LEPR: variants seen among roughly 807,000 people sequenced by gnomAD.
LEPR encodes the protein OB receptor.
A neutral mutation model predicts 114.7 loss-of-function variants in LEPR; 56 were observed. The ratio of observed to expected loss-of-function variants is 0.49; its 90% CI spans 0.39 to 0.61. LEPR has a LOEUF of 0.61. LEPR is among the 20% of genes least tolerant of loss of function. The probability of loss-of-function intolerance (pLI) is 0.00; values close to 1 mark genes in which losing one functional copy is unlikely to be tolerated. For missense variants in LEPR, 1,202 were observed against 1,352.9 expected, an observed-to-expected ratio of 0.89 and a Z score of 1.75; for synonymous variants, 443 against 461.4, an observed-to-expected ratio of 0.96 and a Z score of 0.51.
In LEPR at chr1:65,432,908, A is replaced by T. The variant is rs375924115; in HGVS notation, c.-21+7530A>T. The T allele has an allele frequency of 6.5e-6, 6 of 919,070 alleles. No individual in the cohort carries two copies. In the East Asian group the frequency reaches 4.7e-4, roughly 72 times the overall value. The allele number at this position is 919,070 out of a possible 1,614,324, so 56.9% of individuals were successfully genotyped here. On this transcript the variant is annotated intron_variant, in intron 2 of 19. Coordinates refer to ENST00000349533, the MANE Select transcript of LEPR (RefSeq NM_002303.6). Reference sequence around the variant, plus strand: ...AAATCATAAAACCGTATTGTACCCTATAAAAATATACAATAATTTGTCAAT... The same window carrying T: ...AAATCATAAAACCGTATTGTACCCTTTAAAAATATACAATAATTTGTCAAT...
intron 2 of LEPR, among the ~76,000 whole-genome samples, chr1:65,500,412 A>G (rs1003274613): frequency 2.0e-5 from 3 of 152,146 alleles, no homozygotes; most frequent in African/African-American, 7.2e-5. Context: ...ACCCTTAAAC[A>G]ACATGAGTTT....
Position 65,592,648 on chromosome 1 carries a change from T to C in LEPR, c.495-9T>C. On this transcript the variant is annotated splice_polypyrimidine_tract_variant and intron_variant, in intron 5 of 19. Transcript: ENST00000349533. Reference sequence around the variant, plus strand: ...TGTTTTAATATTTAGCTCTTATTTTTCAATATAGGCCTGAAGTGTTAGAAG... The same window carrying C: ...TGTTTTAATATTTAGCTCTTATTTTCCAATATAGGCCTGAAGTGTTAGAAG... 6.2e-7 allele frequency: 1 copy of C among 1,612,720 alleles called. No individual in the cohort carries two copies. Among genetic ancestry groups the C allele is most frequent in the Middle Eastern group, 1.7e-4 (1 of 6,042 alleles).
Position 65,592,716 on chromosome 1 carries a change from A to G in LEPR, c.554A>G (p.His185Arg), listed in dbSNP as rs776660586. 2 of 1,613,342 alleles carry G rather than the reference A, an allele frequency of 1.2e-6. No homozygotes were observed. Among genetic ancestry groups the G allele is most frequent in the Non-Finnish European group, 1.7e-6 (2 of 1,179,488 alleles). Residue 185 changes from histidine (H) to arginine (R), a missense_variant, in exon 6 of 20, where the codon CAC (histidine) becomes CGC (arginine). Physicochemically the swap from His to Arg is conservative, Grantham distance 29. Coordinates refer to ENST00000349533, the MANE Select transcript of LEPR (RefSeq NM_002303.6). ...VPQKGSFQMV[H>R]CNCSVHECCE... ...CAAAAAGGCAGTTTTCAGATGGTTC[A>G]CTGCAATTGCAGTGTTCATGAATGT...
At chr1:65,555,852 G>T (rs1024310644) in intron 2 of LEPR, among the ~76,000 whole-genome samples, 9 of 152,132 alleles carry the variant, frequency 5.9e-5, no homozygotes, top group African/African-American at 2.2e-4. Context: ...TGGTGATTGG[G>T]ATAGAGGGTA....
chr1:65,619,865 G>A (rs1184971953), intron 16 of LEPR, 63 bp from the exon 17 acceptor site: 4 of 1,223,992 alleles, frequency 3.3e-6, no homozygotes, highest in African/African-American at 1.5e-5. Context: ...TTTTTAAAAT[G>A]TATGTTCCAC....
intron 19 of LEPR, among the ~76,000 whole-genome samples, chr1:65,630,683 C>T (rs567042804): frequency 1.5e-4 from 22 of 149,164 alleles, no homozygotes; most frequent in African/African-American, 5.0e-4. Flanking sequence ...CTCATATTTT[C>T]GGTTTCTTTG....
chr1:65,434,400 A>G (rs980318507), intron 2 of LEPR: 2 of 985,384 alleles, frequency 2.0e-6, no homozygotes, highest in Non-Finnish European at 2.4e-6. Context: ...GCACTTCCAA[A>G]ATTGGCCACA....
At position 65,633,306 on chromosome 1, in the gene LEPR, A is replaced by G. The variant is rs932399767; in HGVS notation, c.2674-2885A>G. 20 of 1,473,354 alleles carry G rather than the reference A, an allele frequency of 1.4e-5. No individual in the cohort carries two copies. Among genetic ancestry groups the G allele is most frequent in the South Asian group, 1.4e-5 (1 of 69,586 alleles). The allele number at this position is 1,473,354 out of a possible 1,614,324, so 91.3% of individuals were successfully genotyped here. ...CAGTTGAACTTCTGAGAGTTAACAT[A>G]TGGTGGATTATGTTGATTTAGAACT... On this transcript the variant is annotated intron_variant, in intron 19 of 19. Transcript: ENST00000349533. This position sits in a 1 kb window ranked among gnomAD's most constrained non-coding sequence, Gnocchi z 4.1.
At chr1:65,576,667 A>C (rs1168440763) in intron 5 of LEPR, 3 of 159,562 alleles carry the variant, frequency 1.9e-5, no homozygotes, top group Non-Finnish European at 4.1e-5. Context: ...GATGGTTCCA[A>C]AGCTTTTCCT....
At chr1:65,496,844 C>G (rs577767064) in intron 2 of LEPR, among the ~76,000 whole-genome samples, 2 of 152,268 alleles carry the variant, frequency 1.3e-5, no homozygotes, top group African/African-American at 4.8e-5. Flanking sequence ...CCAGCAGCAG[C>G]ATCCATACAA....
intron 2 of LEPR, among the ~76,000 whole-genome samples, chr1:65,523,386 A>G (rs12079616): frequency 0.02 from 3,066 of 151,072 alleles, 47 homozygotes; most frequent in Admixed American, 0.028. Flanking sequence ...TCTCGGTTCA[A>G]TGCAACCTCT....
At chr1:65,566,201 C>CTT (rs35617332) in intron 3 of LEPR, among the ~76,000 whole-genome samples, 1,401 of 113,530 alleles carry the variant, frequency 0.012, 69 homozygotes, top group African/African-American at 0.035. Context: ...TAGATTAATT[C>CTT]TTTTTTTTTT....
intron 2 of LEPR, among the ~76,000 whole-genome samples, chr1:65,535,127 CAT>C (rs1650670218): frequency 6.6e-6 from 1 of 151,974 alleles, no homozygotes; most frequent in Admixed American, 6.6e-5. Flanking sequence ...GATAAACACA[CAT>C]ATTATATGCA....
chr1:65,470,652 C>G (rs1009289451), intron 2 of LEPR, among the ~76,000 whole-genome samples: 2 of 152,156 alleles, frequency 1.3e-5, no homozygotes, highest in Non-Finnish European at 2.9e-5. Flanking sequence ...CCCAACATTG[C>G]TTATGACTTT....
At chr1:65,453,010 G>A (rs981355665) in intron 2 of LEPR, among the ~76,000 whole-genome samples, 5 of 152,202 alleles carry the variant, frequency 3.3e-5, no homozygotes, top group Non-Finnish European at 7.3e-5. Flanking sequence ...AGTCTTGGGA[G>A]AGTGTATATG....
intron 14 of LEPR, among the ~76,000 whole-genome samples, chr1:65,611,678 T>C (rs932073207): frequency 6.6e-6 from 1 of 152,252 alleles, no homozygotes; most frequent in East Asian, 1.9e-4. Flanking sequence ...ACAGTTCTTA[T>C]GTTTTCCTCA....
At chr1:65,540,941 C>T (rs1250042666) in intron 2 of LEPR, among the ~76,000 whole-genome samples, 1 of 152,190 alleles carries the variant, frequency 6.6e-6, no homozygotes, top group African/African-American at 2.4e-5. Context: ...AAGCGATTCT[C>T]ATGCCTCAGC....
At chr1:65,544,681 A>G (rs1166320767) in intron 2 of LEPR, among the ~76,000 whole-genome samples, 3 of 137,562 alleles carry the variant, frequency 2.2e-5, no homozygotes, top group Non-Finnish European at 4.6e-5. Flanking sequence ...CCTTTTCTGC[A>G]TCTATTGAGA....
chr1:65,529,158 A>G (rs1650196824), intron 2 of LEPR, among the ~76,000 whole-genome samples: 1 of 151,964 alleles, frequency 6.6e-6, no homozygotes, highest in South Asian at 2.1e-4. Flanking sequence ...ATCATAGATT[A>G]TTTTGCTTAA....
Sources: gnomAD v4.1 joint callset for allele counts (sites outside exome capture counted in the v4.1 genomes callset) on GRCh38, gnomAD v4.1.1 for gene constraint, Gnocchi (gnomAD v3.1) non-coding constraint, MANE v1.5 for transcripts, NCBI Gene and HGNC (gene_info 2026-07-23, HGNC 2026-07-21) for gene names.